The following EPS15 variants were observed in gnomAD, a reference collection of about 807,000 sequenced individuals.
EPS15 encodes epidermal growth factor receptor pathway substrate 15.
A neutral mutation model predicts 113.8 loss-of-function variants in EPS15; 72 were observed. The observed-to-expected ratio is 0.63, with a 90% CI of 0.52 to 0.77. EPS15 has a LOEUF of 0.77. EPS15 is among the 30% of genes least tolerant of loss of function. The pLI is 0.00. For missense variants in EPS15, 1,048 were observed against 1,045.8 expected, an observed-to-expected ratio of 1.00 and a Z score of -0.03; for synonymous variants, 344 against 363.4, an observed-to-expected ratio of 0.95 and a Z score of 0.61.
chr1:51,437,416 C>T (rs1652236276), intron 12 of EPS15, among the ~76,000 whole-genome samples: 1 of 151,320 alleles, frequency 6.6e-6, no homozygotes, highest in Non-Finnish European at 1.5e-5. Context: ...GTACTACATT[C>T]ATTATACAGT....
At chr1:51,430,098 C>G (rs572510668) in intron 12 of EPS15, among the ~76,000 whole-genome samples, 2 of 152,132 alleles carry the variant, frequency 1.3e-5, no homozygotes, top group Admixed American at 1.3e-4. Context: ...AGGCTCTTAT[C>G]GCTCAGAAAG....
intron 1 of EPS15, among the ~76,000 whole-genome samples, chr1:51,517,695 A>T (rs1477413006): frequency 6.6e-6 from 1 of 152,208 alleles, no homozygotes. Context: ...CCAAACATAC[A>T]TAACCAAGAC....
chr1:51,506,123 G>A (rs1406543304), intron 1 of EPS15, among the ~76,000 whole-genome samples: 7 of 152,148 alleles, frequency 4.6e-5, no homozygotes, highest in African/African-American at 1.7e-4. Context: ...CTGACCTCAG[G>A]TGATCCTCCC....
At chr1:51,444,234 T>C (rs1429475038) in intron 11 of EPS15, among the ~76,000 whole-genome samples, 1 of 152,182 alleles carries the variant, frequency 6.6e-6, no homozygotes, top group African/African-American at 2.4e-5. Flanking sequence ...ATATTGCAAA[T>C]GCATCATACT....
At chr1:51,451,490 C>CAAAAAAAAAAAAAAAAAA (rs56091976) in intron 8 of EPS15, among the ~76,000 whole-genome samples, 2 of 50,806 alleles carry the variant, frequency 3.9e-5, no homozygotes, top group African/African-American at 7.9e-5. Flanking sequence ...GACTCCATCT[C>CAAAAAAAAAAAAAAAAAA]AAAAAAAAAA....
chr1:51,505,018 G>A (rs1379116799), intron 1 of EPS15, among the ~76,000 whole-genome samples: 4 of 152,100 alleles, frequency 2.6e-5, no homozygotes. Context: ...CTACTCGGGA[G>A]GGTGAGGCAG....
At chr1:51,440,286 T>TGC in intron 12 of EPS15, 61 bp downstream of exon 12, 1 of 597,898 alleles carries the variant, frequency 1.7e-6, no homozygotes. Context: ...ACTGTGTGTG[T>TGC]GTGTGTGTGT....
chr1:51,487,246 G>C (rs72691877), intron 1 of EPS15, among the ~76,000 whole-genome samples: 4,573 of 152,180 alleles, frequency 0.03, 75 homozygotes, highest in African/African-American at 0.05. Flanking sequence ...TGACAGATTT[G>C]ACCGAGAAAC....
intron 24 of EPS15, among the ~76,000 whole-genome samples, chr1:51,357,059 TAGAA>T (rs1557760639): frequency 6.6e-6 from 1 of 151,912 alleles, no homozygotes; most frequent in African/African-American, 2.4e-5. Context: ...AATCTATAGA[TAGAA>T]AGTCTATAAA....
At chr1:51,485,274 A>C (rs557253153) in intron 1 of EPS15, among the ~76,000 whole-genome samples, 1 of 152,370 alleles carries the variant, frequency 6.6e-6, no homozygotes, top group South Asian at 2.1e-4. Context: ...CAATATGTGT[A>C]TTCTCCTTGC....
chr1:51,443,325 T>C (rs1328207564), intron 11 of EPS15, among the ~76,000 whole-genome samples: 4 of 151,180 alleles, frequency 2.6e-5, no homozygotes, highest in African/African-American at 9.7e-5. Flanking sequence ...GCAGTCTGCA[T>C]AGGTGAAAGA....
intron 8 of EPS15, among the ~76,000 whole-genome samples, chr1:51,456,864 C>T (rs1654034240): frequency 6.6e-6 from 1 of 151,900 alleles, no homozygotes; most frequent in Admixed American, 6.6e-5. Context: ...AAATTCTAAC[C>T]AAAAGAATAC....
intron 9 of EPS15, 128 bp from the exon 10 acceptor site, chr1:51,447,233 T>C (rs900396045): frequency 3.8e-5 from 27 of 717,238 alleles, no homozygotes; most frequent in Middle Eastern, 5.7e-4. Context: ...AGAGCAACAA[T>C]GTATCACTTC....
intron 8 of EPS15, among the ~76,000 whole-genome samples, chr1:51,448,915 TG>T (rs1331143443): frequency 6.6e-6 from 1 of 152,206 alleles, no homozygotes; most frequent in Non-Finnish European, 1.5e-5. Flanking sequence ...TAACAGTTCC[TG>T]CCCAAAATGA....
intron 14 of EPS15, among the ~76,000 whole-genome samples, chr1:51,409,285 G>A (rs1243757880): frequency 6.6e-6 from 1 of 152,130 alleles, no homozygotes; most frequent in Non-Finnish European, 1.5e-5. Flanking sequence ...GGACAGAGGA[G>A]AGTTGAAGGT....
At chr1:51,426,817 G>GTCTCTC (rs35528783) in intron 12 of EPS15, among the ~76,000 whole-genome samples, 2,256 of 145,688 alleles carry the variant, frequency 0.015, 28 homozygotes, top group African/African-American at 0.039. Context: ...AAATAAATCT[G>GTCTCTC]TCTCTCTCTC....
At chr1:51,511,654 A>G (rs1644623712) in intron 1 of EPS15, among the ~76,000 whole-genome samples, 1 of 152,164 alleles carries the variant, frequency 6.6e-6, no homozygotes, top group Non-Finnish European at 1.5e-5. Flanking sequence ...ATGCTGCAAA[A>G]CACCCTACAA....
At chr1:51,511,409 T>C (rs1366215008) in intron 1 of EPS15, among the ~76,000 whole-genome samples, 1 of 148,326 alleles carries the variant, frequency 6.7e-6, no homozygotes, top group Admixed American at 6.8e-5. Context: ...GGCACGAGAA[T>C]TGCTTGAACC....
At chr1:51,491,532 G>T (rs571580544) in intron 1 of EPS15, among the ~76,000 whole-genome samples, 1 of 152,314 alleles carries the variant, frequency 6.6e-6, no homozygotes, top group East Asian at 1.9e-4. Context: ...AAGAAAACAG[G>T]ATGAAAACTA....
Sources: allele counts gnomAD v4.1 joint callset (sites outside exome capture counted in the v4.1 genomes callset), GRCh38; gene constraint gnomAD v4.1.1; transcripts MANE v1.5; gene names NCBI Gene and HGNC (gene_info 2026-07-23, HGNC 2026-07-21).